KANSL1L: variants seen among roughly 807,000 people sequenced by gnomAD.
KANSL1L encodes KAT8 regulatory NSL complex subunit 1 like, also known as KAT8 regulatory NSL complex subunit 1-like protein.
Under a neutral mutation model 108.6 loss-of-function variants are expected in KANSL1L, and 25 were observed. The observed-to-expected ratio is 0.23, with a 90% confidence interval of 0.17 to 0.32. The LOEUF (loss-of-function observed/expected upper bound fraction) is 0.32, where lower values mean the gene tolerates loss of function less well. KANSL1L is among the 10% of genes least tolerant of loss of function. The probability of loss-of-function intolerance (pLI) is 1.00; values close to 1 mark genes in which losing one functional copy is unlikely to be tolerated. For missense variants in KANSL1L, 1,137 were observed against 1,125.7 expected (o/e 1.01, Z -0.14); for synonymous variants, 405 against 395.1 (o/e 1.03, Z -0.30).
intron 2 of KANSL1L, among the ~76,000 whole-genome samples, chr2:210,141,436 TTA>T (rs2095228764): frequency 6.6e-6 from 1 of 152,084 alleles, no homozygotes; most frequent in South Asian, 2.1e-4. Flanking sequence ...ATTAATACTC[TTA>T]TAAAAGAGGC....
intron 6 of KANSL1L, among the ~76,000 whole-genome samples, chr2:210,054,209 C>T (rs1055105957): frequency 6.6e-6 from 1 of 151,484 alleles, no homozygotes; most frequent in South Asian, 2.1e-4. Context: ...GTAGTCCCAG[C>T]TACTTGGGAG....
At chr2:210,035,575 T>C (rs2125158858) in intron 8 of KANSL1L, among the ~76,000 whole-genome samples, 1 of 152,230 alleles carries the variant, frequency 6.6e-6, no homozygotes, top group East Asian at 1.9e-4. Context: ...GCCTCCTGGG[T>C]TCAAGTGATT....
At chr2:210,092,963 C>G (rs1018776445) in intron 5 of KANSL1L, among the ~76,000 whole-genome samples, 2 of 152,016 alleles carry the variant, frequency 1.3e-5, no homozygotes, top group African/African-American at 2.4e-5. Flanking sequence ...TGCTTAGCCC[C>G]AAGGCAAATC....
chr2:210,052,580 T>C (rs994338122), intron 6 of KANSL1L, among the ~76,000 whole-genome samples: 8 of 152,366 alleles, frequency 5.3e-5, no homozygotes, highest in Admixed American at 6.5e-5. Context: ...AAAGGACTTC[T>C]GACTCTCCTA....
intron 10 of KANSL1L, 132 bp from the exon 11 acceptor site, chr2:210,029,101 C>T: frequency 1.3e-6 from 1 of 764,644 alleles, no homozygotes; most frequent in Non-Finnish European, 2.0e-6. Flanking sequence ...TAAAGTCTGA[C>T]TAAAAAATGT....
At chr2:210,037,318 A>G (rs1363044584) in intron 8 of KANSL1L, among the ~76,000 whole-genome samples, 1 of 152,190 alleles carries the variant, frequency 6.6e-6, no homozygotes. Context: ...GCTGTTGGCC[A>G]TGATACTTAT....
At chr2:210,053,636 G>A (rs1394640712) in intron 6 of KANSL1L, among the ~76,000 whole-genome samples, 1 of 151,868 alleles carries the variant, frequency 6.6e-6, no homozygotes, top group Non-Finnish European at 1.5e-5. Flanking sequence ...TAATTATTTT[G>A]TAACTCAAGA....
Position 210,129,041 on chromosome 2 carries a change from C to G in KANSL1L, c.1220G>C (p.Arg407Pro). ...ACAGACAGACAATACCTTGGAGGCA[C>G]GAATTTGCCTGTGAATGTCTGTTAG... is the stretch of plus-strand genomic sequence containing the variant. ...QQLTDIHRQI[R>P]ASKGIVVLEE... The change falls in exon 3 of 15, where the codon CGT becomes CCT. Residue 407 changes from arginine (R) to proline (P), a missense_variant. Coordinates refer to ENST00000281772, the MANE Select transcript of KANSL1L (RefSeq NM_152519.4). 1.9e-6 allele frequency: 3 copies of G among 1,613,392 alleles called. No individual in the cohort carries two copies. Among genetic ancestry groups the G allele is most frequent in the Non-Finnish European group, 2.5e-6 (3 of 1,179,522 alleles).
Position 210,027,336 on chromosome 2 carries a change from A to T in KANSL1L, c.2411T>A (p.Val804Asp). The change falls in exon 12 of 15, where the codon GTT becomes GAT. Residue 804 changes from valine to aspartate, a missense_variant. This residue lies in a region of KANSL1L where 575 missense variants were observed against 567.1 expected (regional missense o/e 1.01). Transcript: ENST00000281772. Reference protein sequence around the residue: ...EILTPSWRMVVLQPLDEYNLG... With the variant: ...EILTPSWRMVDLQPLDEYNLG... Reference sequence around the variant, plus strand: ...ATTATATTCATCCAAAGGCTGAAGAACAACCATCCTCCAGCTGTTGAAGAT... The same window carrying T: ...ATTATATTCATCCAAAGGCTGAAGATCAACCATCCTCCAGCTGTTGAAGAT... The T allele has an allele frequency of 6.2e-7, 1 of 1,612,952 alleles. No homozygotes were observed. The highest frequency in any genetic ancestry group is 8.5e-7 in the Non-Finnish European group (1 of 1,179,030).
intron 1 of KANSL1L, among the ~76,000 whole-genome samples, chr2:210,167,127 T>A (rs1688032739): frequency 6.6e-6 from 1 of 152,008 alleles, no homozygotes; most frequent in Admixed American, 6.6e-5. Context: ...GAGCTCACAC[T>A]GGTACAGTTT....
chr2:210,056,049 A>AC (rs1308232767), intron 6 of KANSL1L, among the ~76,000 whole-genome samples: 6 of 151,910 alleles, frequency 3.9e-5, no homozygotes. Context: ...TGCGCCCAGG[A>AC]CCCCCCTGCT....
intron 6 of KANSL1L, among the ~76,000 whole-genome samples, chr2:210,066,017 G>C (rs1456182415): frequency 2.0e-5 from 3 of 152,198 alleles, no homozygotes; most frequent in African/African-American, 7.2e-5. Flanking sequence ...GGAACCAGAG[G>C]ATGGACTGTA....
intron 1 of KANSL1L, among the ~76,000 whole-genome samples, chr2:210,160,821 T>A (rs2095357461): frequency 6.6e-6 from 1 of 152,034 alleles, no homozygotes; most frequent in Admixed American, 6.6e-5. Context: ...TATATGAAAG[T>A]TAAAGGAACC....
intron 6 of KANSL1L, among the ~76,000 whole-genome samples, chr2:210,060,773 A>G (rs934297056): frequency 1.3e-5 from 2 of 152,260 alleles, no homozygotes; most frequent in South Asian, 2.1e-4. Flanking sequence ...GGAAGCATAC[A>G]TAACATCACT....
chr2:210,160,175 G>A (rs574066941), intron 1 of KANSL1L, among the ~76,000 whole-genome samples: 1 of 152,236 alleles, frequency 6.6e-6, no homozygotes, highest in African/African-American at 2.4e-5. Flanking sequence ...AGGAAGGAGA[G>A]GGAATGTCTT....
At chr2:210,069,141 T>C (rs184831004) in intron 6 of KANSL1L, among the ~76,000 whole-genome samples, 1 of 152,330 alleles carries the variant, frequency 6.6e-6, no homozygotes, top group East Asian at 1.9e-4. Flanking sequence ...TCCAAGTTCA[T>C]TGCTTAAAAG....
intron 6 of KANSL1L, among the ~76,000 whole-genome samples, chr2:210,054,321 CAAAAA>C (rs138535904): frequency 1.4e-4 from 17 of 122,816 alleles, no homozygotes; most frequent in Admixed American, 3.3e-4. Flanking sequence ...GACTCCATCT[CAAAAA>C]AAAAAAAAAA....
intron 6 of KANSL1L, among the ~76,000 whole-genome samples, chr2:210,070,224 C>CTTTTTTTTTTTTTTT (rs71043971): frequency 2.6e-5 from 2 of 77,542 alleles, no homozygotes; most frequent in Non-Finnish European, 4.2e-5. Context: ...TTTCTCCGTT[C>CTTTTTTTTTTTTTTT]TTTTTTTTTT....
chr2:210,103,717 C>G (rs1465820799), intron 4 of KANSL1L, among the ~76,000 whole-genome samples: 2 of 152,034 alleles, frequency 1.3e-5, no homozygotes, highest in Non-Finnish European at 2.9e-5. Flanking sequence ...CCAATATTAT[C>G]TTTCACTAAA....
Sources: gnomAD v4.1 joint callset for allele counts (sites outside exome capture counted in the v4.1 genomes callset) on GRCh38, gnomAD v4.1.1 for gene constraint, gnomAD v4.1.1 regional missense constraint, MANE v1.5 for transcripts, NCBI Gene and HGNC (gene_info 2026-07-23, HGNC 2026-07-21) for gene names.